BABAM2: variants seen among roughly 807,000 people sequenced by gnomAD.
The protein encoded by BABAM2 is BRISC and BRCA1-A complex member 2.
In BABAM2, 31 loss-of-function variants were observed where a neutral mutation model predicts 54.7. The ratio of observed to expected loss-of-function variants is 0.57; its 90% CI spans 0.43 to 0.77. The LOEUF is 0.77. Among genes scored for constraint, BABAM2 ranks in the 30% least tolerant of loss-of-function variants. BABAM2 has a pLI of 0.00. For missense variants in BABAM2, 364 were observed against 455.8 expected, an observed-to-expected ratio of 0.80 and a Z score of 1.83; for synonymous variants, 167 against 162.9, an observed-to-expected ratio of 1.03 and a Z score of -0.19.
In BABAM2 at chr2:28,070,615, T is replaced by C. The variant is rs959070312; in HGVS notation, c.570+24816T>C. 2.0e-5 allele frequency among the ~76,000 whole-genome samples: 3 copies of C among 150,750 alleles called. No individual in the cohort carries two copies. In the East Asian group the frequency reaches 5.8e-4, roughly 29 times the overall value. On this transcript the variant is annotated intron_variant, in intron 6 of 11. Coordinates refer to ENST00000379624, the MANE Select transcript of BABAM2 (RefSeq NM_199191.3). ...CCCAGGCTGGAGTGCAGTGGCGGGA[T>C]CTCGGCTCACTGCAAGCTCCGCCTC... is the stretch of plus-strand genomic sequence containing the variant.
At chr2:28,150,119 G>T (rs1366829163) in intron 7 of BABAM2, among the ~76,000 whole-genome samples, 2 of 152,182 alleles carry the variant, frequency 1.3e-5, no homozygotes, top group African/African-American at 2.4e-5. Flanking sequence ...TAGGTGCTTT[G>T]CATATAGAAT....
chr2:27,962,212 C>T (rs1670523868), intron 3 of BABAM2, among the ~76,000 whole-genome samples: 1 of 152,106 alleles, frequency 6.6e-6, no homozygotes, highest in Admixed American at 6.6e-5. Context: ...TTAAAGCAAT[C>T]CTCCGGCTTC....
intron 7 of BABAM2, among the ~76,000 whole-genome samples, chr2:28,132,468 A>T (rs117263370): frequency 1.3e-5 from 2 of 151,922 alleles, no homozygotes; most frequent in African/African-American, 4.8e-5. Context: ...AGAGCTCTCC[A>T]CAGCATACCC....
intron 4 of BABAM2, among the ~76,000 whole-genome samples, chr2:27,991,991 T>G (rs1672814872): frequency 1.3e-5 from 2 of 152,170 alleles, no homozygotes; most frequent in Non-Finnish European, 2.9e-5. Flanking sequence ...TATGAGTGTT[T>G]CAGTTTCTCC....
intron 10 of BABAM2, among the ~76,000 whole-genome samples, chr2:28,250,422 A>G (rs1378512436): frequency 1.3e-5 from 2 of 149,420 alleles, no homozygotes; most frequent in Admixed American, 6.8e-5. Flanking sequence ...CCTTAAGATT[A>G]ATAATACCTT....
At chr2:28,095,152 C>T (rs74891851) in intron 6 of BABAM2, among the ~76,000 whole-genome samples, 1,785 of 152,188 alleles carry the variant, frequency 0.012, 31 homozygotes, top group African/African-American at 0.041. Flanking sequence ...TGGCAAATTT[C>T]CTCCATAGCA....
intron 7 of BABAM2, among the ~76,000 whole-genome samples, chr2:28,188,079 CAA>C: frequency 6.6e-6 from 1 of 152,246 alleles, no homozygotes; most frequent in Non-Finnish European, 1.5e-5. Context: ...GGGTTGAACT[CAA>C]GTTTGAAATT....
intron 6 of BABAM2, among the ~76,000 whole-genome samples, chr2:28,122,476 A>G (rs926841127): frequency 5.3e-5 from 8 of 152,138 alleles, no homozygotes; most frequent in Non-Finnish European, 1.2e-4. Context: ...CTGTATAGCC[A>G]TATATACCCA....
chr2:28,027,161 A>G (rs1227227068), intron 5 of BABAM2, among the ~76,000 whole-genome samples: 1 of 150,708 alleles, frequency 6.6e-6, no homozygotes, highest in Non-Finnish European at 1.5e-5. Flanking sequence ...CAGCAAGCAC[A>G]CCAGGTATTC....
chr2:28,242,125 C>T (rs1203514229), intron 9 of BABAM2, among the ~76,000 whole-genome samples: 1 of 152,082 alleles, frequency 6.6e-6, no homozygotes, highest in Non-Finnish European at 1.5e-5. Flanking sequence ...CAATGGAAGT[C>T]GCGCCCCTAG....
intron 6 of BABAM2, among the ~76,000 whole-genome samples, chr2:28,079,357 A>C (rs2148670563): frequency 6.6e-6 from 1 of 152,288 alleles, no homozygotes; most frequent in African/African-American, 2.4e-5. Context: ...AGGGAAAAAA[A>C]CCAAACTCTT....
chr2:27,905,223 G>A (rs887844204), intron 2 of BABAM2, among the ~76,000 whole-genome samples: 2 of 152,178 alleles, frequency 1.3e-5, no homozygotes, highest in Non-Finnish European at 2.9e-5. Context: ...GCAAGATTTG[G>A]CTGGGGAGGG....
chr2:28,052,317 T>C (rs1174259494), intron 6 of BABAM2, among the ~76,000 whole-genome samples: 2 of 151,076 alleles, frequency 1.3e-5, no homozygotes, highest in African/African-American at 4.9e-5. Context: ...AGACAGAGTC[T>C]TGCTCTGTCA....
At chr2:28,182,138 C>T (rs757122146) in intron 7 of BABAM2, among the ~76,000 whole-genome samples, 13 of 152,092 alleles carry the variant, frequency 8.5e-5, no homozygotes, top group Non-Finnish European at 1.8e-4. Context: ...CCTTACAGGC[C>T]GCTTTAAGGA....
At chr2:28,096,413 A>ACAT (rs1666630741) in intron 6 of BABAM2, among the ~76,000 whole-genome samples, 1 of 151,530 alleles carries the variant, frequency 6.6e-6, no homozygotes, top group African/African-American at 2.4e-5. Flanking sequence ...TATGGTGGAG[A>ACAT]AAATAAAGGA....
intron 4 of BABAM2, among the ~76,000 whole-genome samples, chr2:27,997,077 G>T (rs1454297258): frequency 6.6e-6 from 1 of 152,022 alleles, no homozygotes; most frequent in East Asian, 1.9e-4. Flanking sequence ...TAAGAATACA[G>T]AATTAATAAA....
At chr2:28,159,830 T>C (rs1672885709) in intron 7 of BABAM2, among the ~76,000 whole-genome samples, 1 of 150,976 alleles carries the variant, frequency 6.6e-6, no homozygotes, top group Admixed American at 6.6e-5. Flanking sequence ...GAGTCGAGAT[T>C]GCACCACTAT....
chr2:28,224,682 G>T (rs755205756), intron 7 of BABAM2, among the ~76,000 whole-genome samples: 1 of 152,052 alleles, frequency 6.6e-6, no homozygotes, highest in Non-Finnish European at 1.5e-5. Flanking sequence ...CCTAAGGACA[G>T]GCCTAGCCTA....
chr2:28,238,622 G>A (rs1682134150), intron 8 of BABAM2, among the ~76,000 whole-genome samples: 2 of 152,200 alleles, frequency 1.3e-5, no homozygotes, highest in South Asian at 2.1e-4. Context: ...CCCTCATGCA[G>A]GGGTTGCTTC....
Sources: allele counts gnomAD v4.1 joint callset (sites outside exome capture counted in the v4.1 genomes callset), GRCh38; gene constraint gnomAD v4.1.1; transcripts MANE v1.5; gene names NCBI Gene and HGNC (gene_info 2026-07-23, HGNC 2026-07-21).